ELAVL2: variants seen among roughly 807,000 people sequenced by gnomAD.
ELAVL2 encodes the protein ELAV like RNA binding protein 2.
ELAVL2 carries 4 observed loss-of-function variants against 34.6 expected under a neutral mutation model. The ratio of observed to expected loss-of-function variants is 0.12; its 90% CI spans 0.06 to 0.26. The LOEUF is 0.26. Ranked by LOEUF, ELAVL2 falls within the 10% of genes least tolerant of loss-of-function variation. ELAVL2 has a pLI of 1.00. For missense variants in ELAVL2, 432 were observed against 442.8 expected (o/e 0.98, Z 0.22); for synonymous variants, 193 against 154.8 (o/e 1.25, Z -1.83).
chr9:23,692,766 T>C lies in ELAVL2; in HGVS notation c.871A>G (p.Ile291Val), dbSNP rs1250114251. 8 of 1,614,166 alleles carry C rather than the reference T, an allele frequency of 5.0e-6. No homozygotes were observed. The East Asian group carries it at 1.3e-4, about 27-fold the overall frequency. The change falls in exon 7 of 7, where the codon ATC becomes GTC. Residue 291 changes from isoleucine to valine, a missense_variant. By Grantham distance (29) the Ile-to-Val change is conservative. Transcript: ENST00000397312. ...YNLAPDADES[I>V]LWQMFGPFGA... ...AAAGGCCCAAACATTTGCCACAGGATACTCTCATCTGCGTCAGGAGCCAGG... is the reference window on the plus strand; with the variant it reads ...AAAGGCCCAAACATTTGCCACAGGACACTCTCATCTGCGTCAGGAGCCAGG...
chr9:23,759,194 A>G (rs745469657), intron 2 of ELAVL2, among the ~76,000 whole-genome samples: 41 of 152,098 alleles, frequency 2.7e-4, no homozygotes, highest in Middle Eastern at 3.2e-3. Context: ...ATAAATGGAT[A>G]AAGAAAATAT....
At chr9:23,774,213 CAAAAAAAAAA>C (rs57247631) in intron 1 of ELAVL2, among the ~76,000 whole-genome samples, 4 of 61,452 alleles carry the variant, frequency 6.5e-5, no homozygotes, top group Non-Finnish European at 1.2e-4. Context: ...GACTCCATCT[CAAAAAAAAAA>C]AAAAAAAAAA....
At chr9:23,840,295 T>C in the ELAVL2 span, among the ~76,000 whole-genome samples, 19 of 152,336 alleles carry the variant, frequency 1.2e-4, no homozygotes, top group African/African-American at 4.6e-4. Flanking sequence ...CACATGGCTG[T>C]GCAACACAAT....
At chr9:23,801,830 A>G (rs2061600676) in intron 1 of ELAVL2, among the ~76,000 whole-genome samples, 1 of 152,218 alleles carries the variant, frequency 6.6e-6, no homozygotes, top group Non-Finnish European at 1.5e-5. Context: ...CCCATTTTGC[A>G]TTTTAAAGGG....
the ELAVL2 span, among the ~76,000 whole-genome samples, chr9:23,842,470 G>T: frequency 4.6e-5 from 7 of 152,068 alleles, no homozygotes; most frequent in Non-Finnish European, 8.8e-5. Context: ...CTGACTCATG[G>T]CCAGATCTCA....
At position 23,691,726 on chromosome 9, in the gene ELAVL2, A is replaced by G. The variant is rs920675683; in HGVS notation, c.*831T>C. 1.3e-5 allele frequency: 2 copies of G among 152,536 alleles called. No homozygotes were observed. The highest frequency in any genetic ancestry group is 2.9e-5 in the Non-Finnish European group (2 of 67,984). 9.4% of individuals were successfully genotyped at this position (152,536 alleles called of 1,614,324 possible). On this transcript the variant is annotated 3_prime_UTR_variant, in exon 7 of 7. Transcript: ENST00000397312. Reference sequence around the variant, plus strand: ...CTACTCCTTTCATACAAAGATCTCAAAAGTATTTTCTACACCATAAATCTT... The same window carrying G: ...CTACTCCTTTCATACAAAGATCTCAGAAGTATTTTCTACACCATAAATCTT...
chr9:23,762,262 A>G lies in ELAVL2; in HGVS notation c.-15-13T>C. 1.2e-6 allele frequency: 2 copies of G among 1,611,584 alleles called. No individual in the cohort carries two copies. Among genetic ancestry groups the G allele is most frequent in the South Asian group, 1.1e-5 (1 of 90,898 alleles). ...CAGCAATTACCTGCTAAAAACAGAG[A>G]AAACAAGAAATGTCAGAATTCATAT... On this transcript the variant is annotated splice_polypyrimidine_tract_variant and intron_variant, in intron 1 of 6. Transcript: ENST00000397312.
Position 23,766,915 on chromosome 9 carries a change from T to C in ELAVL2, c.-15-4666A>G, listed in dbSNP as rs537983025. Reference sequence around the variant, plus strand: ...CTTCGGAAAGAAAAAAAAGGCCATATTCCAGTGAAACAGAGCCATTAATTT... The same window carrying C: ...CTTCGGAAAGAAAAAAAAGGCCATACTCCAGTGAAACAGAGCCATTAATTT... On this transcript the variant is annotated intron_variant, in intron 1 of 6. Transcript: ENST00000397312. Among the ~76,000 whole-genome samples, 4 of 152,302 alleles carry C rather than the reference T, an allele frequency of 2.6e-5. No individual in the cohort carries two copies. In the South Asian group the frequency reaches 8.3e-4, roughly 32 times the overall value.
At chr9:23,767,687 G>A (rs1449397025) in intron 1 of ELAVL2, among the ~76,000 whole-genome samples, 1 of 152,062 alleles carries the variant, frequency 6.6e-6, no homozygotes, top group African/African-American at 2.4e-5. Context: ...GCAGGAGAAT[G>A]GCTTGAACCC....
intron 2 of ELAVL2, among the ~76,000 whole-genome samples, chr9:23,740,817 G>GA (rs1336394371): frequency 6.6e-6 from 1 of 152,164 alleles, no homozygotes; most frequent in Non-Finnish European, 1.5e-5. Context: ...TCCAAACTCA[G>GA]AAAGCAGTTC....
chr9:23,723,313 T>C (rs1260527874), intron 3 of ELAVL2, among the ~76,000 whole-genome samples: 3 of 150,910 alleles, frequency 2.0e-5, no homozygotes, highest in Non-Finnish European at 4.4e-5. Context: ...CAGTAAACTA[T>C]CACAAGGACA....
chr9:23,829,698 G>A (rs1272366733), upstream of ELAVL2: 1 of 152,104 alleles, frequency 6.6e-6, no homozygotes, highest in Non-Finnish European at 1.5e-5. Context: ...TTCACCGAAA[G>A]GGGGGAAAAG....
intron 2 of ELAVL2, among the ~76,000 whole-genome samples, chr9:23,757,208 T>A (rs1054429910): frequency 6.6e-6 from 1 of 152,154 alleles, no homozygotes; most frequent in African/African-American, 2.4e-5. Flanking sequence ...AAACCTTCCA[T>A]TCTCCTTCCA....
chr9:23,740,448 A>G (rs1327643357), intron 2 of ELAVL2, among the ~76,000 whole-genome samples: 1 of 152,178 alleles, frequency 6.6e-6, no homozygotes, highest in Non-Finnish European at 1.5e-5. Flanking sequence ...CAGTCTTTCA[A>G]AAGTGTACAC....
intron 1 of ELAVL2, among the ~76,000 whole-genome samples, chr9:23,817,078 G>C (rs1408648081): frequency 6.6e-6 from 1 of 151,186 alleles, no homozygotes; most frequent in Non-Finnish European, 1.5e-5. Flanking sequence ...TACTGTTACT[G>C]TCTTACAGTA....
intron 3 of ELAVL2, among the ~76,000 whole-genome samples, chr9:23,710,983 G>A (rs1185740132): frequency 6.6e-6 from 1 of 152,114 alleles, no homozygotes; most frequent in Non-Finnish European, 1.5e-5. Flanking sequence ...ACTTTGATCT[G>A]CTTCTAAATT....
the ELAVL2 span, among the ~76,000 whole-genome samples, chr9:23,842,424 T>C: frequency 3.3e-5 from 5 of 152,222 alleles, no homozygotes; most frequent in South Asian, 1.0e-3. Flanking sequence ...ATAGTCTCCC[T>C]GTTGCAGAAA....
intron 1 of ELAVL2, among the ~76,000 whole-genome samples, chr9:23,818,992 C>A (rs547913177): frequency 2.2e-4 from 33 of 152,252 alleles, no homozygotes; most frequent in African/African-American, 7.9e-4. Flanking sequence ...AGGTTGATCC[C>A]AGCTTAAAAG....
rs1005048562 is a variant in ELAVL2 at position 23,691,071 on chromosome 9, T to C, written c.*1486A>G. 6.6e-6 allele frequency: 1 copy of C among 152,554 alleles called. No individual in the cohort carries two copies. The highest frequency in any genetic ancestry group is 1.5e-5 in the Non-Finnish European group (1 of 67,982). The allele number at this position is 152,554 out of a possible 1,614,324, so 9.5% of individuals were successfully genotyped here. A position where few individuals can be genotyped will look rare whatever the true frequency, so the allele number is the denominator to read the frequency against. On this transcript the variant is annotated 3_prime_UTR_variant, in exon 7 of 7. Coordinates refer to ENST00000397312, the MANE Select transcript of ELAVL2 (RefSeq NM_004432.5). ...TATAAACCAAAATGTAGCATCACCA[T>C]AAACAGCTGAAGCTAGACTATCTAC... is the stretch of plus-strand genomic sequence containing the variant.
Sources: gnomAD v4.1 joint callset for allele counts (sites outside exome capture counted in the v4.1 genomes callset) on GRCh38, gnomAD v4.1.1 for gene constraint, MANE v1.5 for transcripts, NCBI Gene and HGNC (gene_info 2026-07-23, HGNC 2026-07-21) for gene names.